The following SMCHD1 variants were observed in gnomAD, a reference collection of about 807,000 sequenced individuals.
SMCHD1 encodes the protein structural maintenance of chromosomes flexible hinge domain-containing protein 1.
A neutral mutation model predicts 254.7 loss-of-function variants in SMCHD1; 78 were observed. That is an observed-to-expected ratio of 0.31 (90% CI 0.26 to 0.37). The LOEUF (loss-of-function observed/expected upper bound fraction) is 0.37, where lower values mean the gene tolerates loss of function less well. SMCHD1 is among the 10% of genes least tolerant of loss of function. The probability of loss-of-function intolerance (pLI) is 1.00; values close to 1 mark genes in which losing one functional copy is unlikely to be tolerated. For missense variants in SMCHD1, 1,840 were observed against 2,408.1 expected (o/e 0.76, Z 4.94); for synonymous variants, 766 against 794.9 (o/e 0.96, Z 0.61).
chr18:2,659,160 C>A (rs919340273), intron 1 of SMCHD1, among the ~76,000 whole-genome samples: 25 of 152,128 alleles, frequency 1.6e-4, no homozygotes, highest in Admixed American at 7.9e-4. Context: ...CTCTGTTGCC[C>A]GGGCTGGAGT....
chr18:2,678,167 TAGA>T (rs536251951), intron 5 of SMCHD1, among the ~76,000 whole-genome samples: 175 of 152,360 alleles, frequency 1.1e-3, no homozygotes, highest in African/African-American at 3.7e-3. Context: ...TTGAATCAGA[TAGA>T]AGATTTACAA....
chr18:2,681,582 C>T (rs1385556259), intron 5 of SMCHD1, among the ~76,000 whole-genome samples: 5 of 40,918 alleles, frequency 1.2e-4, no homozygotes, highest in Non-Finnish European at 2.5e-4. Context: ...GAGATCCTAT[C>T]TCTCAAAAAA....
intron 47 of SMCHD1, 105 bp downstream of exon 47, chr18:2,796,626 G>T (rs1236100562): frequency 2.6e-6 from 2 of 781,000 alleles, no homozygotes; most frequent in Middle Eastern, 2.5e-4. Context: ...TGTTGCCCAG[G>T]CTAGAGTGCA....
intron 17 of SMCHD1, among the ~76,000 whole-genome samples, chr18:2,714,511 A>ATG (rs993905252): frequency 7.2e-5 from 11 of 151,942 alleles, no homozygotes; most frequent in African/African-American, 2.7e-4. Context: ...TCTTGTCATA[A>ATG]TGTTGTTATC....
At chr18:2,731,239 A>G (rs1394527864) in intron 24 of SMCHD1, among the ~76,000 whole-genome samples, 1 of 152,266 alleles carries the variant, frequency 6.6e-6, no homozygotes, top group Non-Finnish European at 1.5e-5. Flanking sequence ...GGAAGGAGAC[A>G]TGAGTTAAGT....
chr18:2,655,814 G>A lies in SMCHD1; in HGVS notation c.-262G>A. ...GCTGGGCCCGGGCCCGGTGAGGAGC[G>A]CGCCGCGCGTCCCCTTCTCCTCAGG... On this transcript the variant is annotated 5_prime_UTR_variant, in exon 1 of 48. Transcript: ENST00000320876. 1 of 320,940 alleles carries A rather than the reference G, an allele frequency of 3.1e-6. No homozygotes were observed. The highest frequency in any genetic ancestry group is 4.8e-5 in the East Asian group (1 of 20,760). The allele number at this position is 320,940 out of a possible 1,614,324, so 19.9% of individuals were successfully genotyped here.
At chr18:2,670,948 T>C (rs1393768233) in intron 3 of SMCHD1, among the ~76,000 whole-genome samples, 2 of 150,868 alleles carry the variant, frequency 1.3e-5, no homozygotes, top group East Asian at 1.9e-4. Context: ...TTCTTTTTTT[T>C]TTTTTTTGAG....
intron 30 of SMCHD1, among the ~76,000 whole-genome samples, chr18:2,748,390 A>ATT (rs67175512): frequency 0.097 from 8,960 of 92,606 alleles, 2,217 homozygotes; most frequent in African/African-American, 0.32. Flanking sequence ...GTGTATATAA[A>ATT]TTTTTTTTTT....
intron 47 of SMCHD1, among the ~76,000 whole-genome samples, chr18:2,799,603 G>A (rs181164833): frequency 3.9e-5 from 6 of 152,106 alleles, no homozygotes; most frequent in Admixed American, 6.5e-5. Flanking sequence ...TCTCTATATG[G>A]GTCTAATGTC....
chr18:2,675,905 C>A (rs1045548086), intron 5 of SMCHD1, among the ~76,000 whole-genome samples: 10 of 152,160 alleles, frequency 6.6e-5, no homozygotes, highest in Admixed American at 2.0e-4. Context: ...TGGCAAAAAT[C>A]TTTTTGCTGC....
At chr18:2,777,727 T>C in intron 42 of SMCHD1, 79 bp from the exon 43 acceptor site, 1 of 719,956 alleles carries the variant, frequency 1.4e-6, no homozygotes, top group South Asian at 2.1e-5. Context: ...TGCAATATAT[T>C]CATGTTTTCC....
intron 8 of SMCHD1, among the ~76,000 whole-genome samples, chr18:2,695,919 A>T (rs2074276523): frequency 6.6e-6 from 1 of 152,086 alleles, no homozygotes; most frequent in Non-Finnish European, 1.5e-5. Flanking sequence ...AGGACTTTGC[A>T]GTTTTCTTCA....
intron 34 of SMCHD1, among the ~76,000 whole-genome samples, chr18:2,758,049 TATAG>T (rs200025760): frequency 2.5e-4 from 38 of 151,850 alleles, no homozygotes; most frequent in Non-Finnish European, 3.7e-4. Context: ...TGTTTGCATA[TATAG>T]ATAGATAGAT....
intron 37 of SMCHD1, among the ~76,000 whole-genome samples, chr18:2,767,266 A>G (rs1196002986): frequency 6.6e-6 from 1 of 151,994 alleles, no homozygotes; most frequent in African/African-American, 2.4e-5. Flanking sequence ...TCAAAAAAAA[A>G]AAAAGGTTAC....
intron 39 of SMCHD1, among the ~76,000 whole-genome samples, chr18:2,771,322 T>G (rs986793618): frequency 6.6e-6 from 1 of 152,220 alleles, no homozygotes; most frequent in Non-Finnish European, 1.5e-5. Context: ...TCCCTTTAGT[T>G]GCATTAATTT....
At chr18:2,692,281 G>C (rs2074196994) in intron 7 of SMCHD1, among the ~76,000 whole-genome samples, 1 of 152,172 alleles carries the variant, frequency 6.6e-6, no homozygotes, top group Non-Finnish European at 1.5e-5. Context: ...GGGCACAGTG[G>C]CTCATGCCTG....
chr18:2,730,122 T>C (rs2075108271), intron 24 of SMCHD1, among the ~76,000 whole-genome samples: 1 of 152,228 alleles, frequency 6.6e-6, no homozygotes, highest in Non-Finnish European at 1.5e-5. Context: ...TAATTTTCTA[T>C]ACACACATAG....
intron 35 of SMCHD1, among the ~76,000 whole-genome samples, chr18:2,761,397 C>T (rs1198076358): frequency 6.6e-6 from 1 of 152,194 alleles, no homozygotes; most frequent in African/African-American, 2.4e-5. Context: ...CTTGCACATA[C>T]ACCCCCTGAA....
chr18:2,797,106 T>G (rs1425165792), intron 47 of SMCHD1, among the ~76,000 whole-genome samples: 1 of 152,236 alleles, frequency 6.6e-6, no homozygotes, highest in Non-Finnish European at 1.5e-5. Context: ...TGTCTATTTT[T>G]TGGCTCATTG....
Sources: gnomAD v4.1 joint callset for allele counts (sites outside exome capture counted in the v4.1 genomes callset) on GRCh38, gnomAD v4.1.1 for gene constraint, MANE v1.5 for transcripts, NCBI Gene and HGNC (gene_info 2026-07-23, HGNC 2026-07-21) for gene names.